The following ALPK2 variants were observed in gnomAD, a reference collection of about 807,000 sequenced individuals.
ALPK2 encodes alpha kinase 2, also known as alpha-protein kinase 2.
ALPK2 carries 127 observed loss-of-function variants against 163.1 expected under a neutral mutation model. The ratio of observed to expected loss-of-function variants is 0.78; its 90% CI spans 0.67 to 0.90. The LOEUF is 0.90. Ranked by LOEUF, ALPK2 falls within the 40% of genes least tolerant of loss-of-function variation. ALPK2 has a pLI of 0.00. For missense variants in ALPK2, 2,360 were observed against 2,589.6 expected (o/e 0.91, Z 1.92); for synonymous variants, 953 against 959.1 (o/e 0.99, Z 0.12).
chr18:58,549,466 GT>G (rs2051738198), intron 4 of ALPK2, among the ~76,000 whole-genome samples: 1 of 152,202 alleles, frequency 6.6e-6, no homozygotes, highest in South Asian at 2.1e-4. Flanking sequence ...GGAAGCTGAA[GT>G]TGGTAGGGAA....
chr18:58,556,810 G>T (rs1176806414), intron 4 of ALPK2, among the ~76,000 whole-genome samples: 2 of 152,204 alleles, frequency 1.3e-5, no homozygotes, highest in Non-Finnish European at 2.9e-5. Flanking sequence ...GTCCCTGAGG[G>T]CTGGGCTGTG....
intron 10 of ALPK2, among the ~76,000 whole-genome samples, chr18:58,505,505 C>T (rs1014493849): frequency 6.6e-6 from 1 of 152,092 alleles, no homozygotes; most frequent in Non-Finnish European, 1.5e-5. Context: ...CTACAGGTGC[C>T]CTGGTCCCCG....
intron 3 of ALPK2, among the ~76,000 whole-genome samples, chr18:58,585,229 T>C (rs1013767496): frequency 7.2e-5 from 11 of 152,240 alleles, no homozygotes; most frequent in Non-Finnish European, 1.5e-4. Context: ...AACTTTTGTT[T>C]ATATGGGTTA....
intron 12 of ALPK2, among the ~76,000 whole-genome samples, chr18:58,494,006 C>T (rs961096624): frequency 4.6e-5 from 7 of 152,226 alleles, no homozygotes; most frequent in East Asian, 3.9e-4. Context: ...GCAATCTCGT[C>T]GCCTCCCCGG....
chr18:58,579,363 G>A lies in ALPK2; in HGVS notation c.1413C>T (p.Asp471=). 1.2e-6 allele frequency: 2 copies of A among 1,614,136 alleles called. No individual in the cohort carries two copies. The highest frequency in any genetic ancestry group is 1.1e-5 in the South Asian group (1 of 91,076). The change falls in exon 4 of 13, where the codon GAC becomes GAT. Residue 471 remains aspartate (D), a synonymous_variant. Transcript: ENST00000361673. ...DYPGIQGETR[D]SHQAREEFAS... ...CAAATTCCTCTCTTGCTTGGTGGCT[G>A]TCTCTGGTTTCTCCTTGAATTCCTG...
intron 3 of ALPK2, among the ~76,000 whole-genome samples, chr18:58,598,178 C>T (rs190672940): frequency 1.3e-5 from 2 of 152,362 alleles, no homozygotes; most frequent in Admixed American, 1.3e-4. Flanking sequence ...CTCAGGTTCA[C>T]CTGAGGCCCA....
chr18:58,515,475 G>C (rs954399874), intron 9 of ALPK2, among the ~76,000 whole-genome samples: 46 of 152,344 alleles, frequency 3.0e-4, no homozygotes, highest in Non-Finnish European at 5.9e-4. Context: ...GGTGTAATTG[G>C]AGTAGTCAAT....
chr18:58,506,446 A>G (rs903708349), intron 10 of ALPK2, among the ~76,000 whole-genome samples: 2 of 151,994 alleles, frequency 1.3e-5, no homozygotes, highest in Admixed American at 1.3e-4. Flanking sequence ...CCATGGCAGA[A>G]ACTGAAGAGC....
At position 58,537,487 on chromosome 18, in the gene ALPK2, G is replaced by T. The variant is rs143895383; in HGVS notation, c.2700C>A (p.His900Gln). 6.2e-7 allele frequency: 1 copy of T among 1,611,920 alleles called. No individual in the cohort carries two copies. The highest frequency in any genetic ancestry group is 8.5e-7 in the Non-Finnish European group (1 of 1,178,564). Residue 900 changes from histidine to glutamine, a missense_variant, in exon 5 of 13, where the codon CAC (histidine) becomes CAA (glutamine). Physicochemically the swap from His to Gln is conservative, Grantham distance 24. Coordinates refer to ENST00000361673, the MANE Select transcript of ALPK2 (RefSeq NM_052947.4). ...CTCCTGTGGCACCTTCACTAGCTGT[G>T]TGTGAAATGTTCAAGGTGAAAGTAC... ...FTSTFTLNIS[H>Q]TASEGATGEN... is the part of the protein sequence containing the mutation.
In ALPK2 at chr18:58,537,571, T is replaced by C; in HGVS notation, c.2616A>G (p.Ser872=). ...CCTTGCTGCTTTTGCACGTAGACAC[T>C]GAAGTCTCAGACACTTGTGTCTGAA... ...VFFQTQVSET[S]VSTCKSSKDG... The change falls in exon 5 of 13, where the codon TCA becomes TCG. Residue 872 remains serine (S), a synonymous_variant. Transcript: ENST00000361673. The C allele has an allele frequency of 6.2e-7, 1 of 1,614,082 alleles. No homozygotes were observed. Among genetic ancestry groups the C allele is most frequent in the Non-Finnish European group, 8.5e-7 (1 of 1,179,926 alleles).
chr18:58,509,105 A>G (rs1259516720), intron 10 of ALPK2, among the ~76,000 whole-genome samples: 4 of 137,138 alleles, frequency 2.9e-5, no homozygotes, highest in South Asian at 2.3e-4. Flanking sequence ...TCATTGTTCA[A>G]TTCCCAACTA....
chr18:58,586,338 A>T (rs2051986654), intron 3 of ALPK2, among the ~76,000 whole-genome samples: 2 of 152,226 alleles, frequency 1.3e-5, no homozygotes, highest in East Asian at 3.8e-4. Flanking sequence ...AGGATCCCTG[A>T]AAATTCTCAC....
intron 4 of ALPK2, among the ~76,000 whole-genome samples, chr18:58,571,175 C>A (rs1249225834): frequency 6.6e-6 from 1 of 152,064 alleles, no homozygotes; most frequent in Non-Finnish European, 1.5e-5. Flanking sequence ...GCAAGCGCCA[C>A]CATGCCTGGC....
chr18:58,596,860 A>G (rs12964539), intron 3 of ALPK2, among the ~76,000 whole-genome samples: 130,357 of 152,172 alleles, frequency 0.86, 56,249 homozygotes, highest in East Asian at 1. Context: ...TCATTTTGTT[A>G]CCCAGACTGG....
intron 4 of ALPK2, among the ~76,000 whole-genome samples, chr18:58,569,549 G>A (rs1486554808): frequency 6.6e-6 from 1 of 152,192 alleles, no homozygotes; most frequent in Non-Finnish European, 1.5e-5. Flanking sequence ...CAGGGCTTCT[G>A]AGCCTGCATT....
chr18:58,541,407 A>G (rs1008796707), intron 4 of ALPK2, among the ~76,000 whole-genome samples: 5 of 152,244 alleles, frequency 3.3e-5, no homozygotes, highest in African/African-American at 1.2e-4. Flanking sequence ...GCATCATCCA[A>G]TCACCTCCCA....
Position 58,482,021 on chromosome 18 carries a change from G to C in ALPK2, c.6315C>G (p.Gly2105=), listed in dbSNP as rs777388356. The change falls in exon 13 of 13, where the codon GGC becomes GGG. Residue 2105 remains glycine, a synonymous_variant. Coordinates refer to ENST00000361673, the MANE Select transcript of ALPK2 (RefSeq NM_052947.4). ...GATCAATGAAGGTCATGGAACAGTT[G>C]CCTTTAAATCCCTTGTACCTGTGAG... The part of the protein sequence containing the change: ...TLAKGYKGFK[G]NCSMTFIDQF... The C allele has an allele frequency of 9.3e-6, 15 of 1,613,742 alleles. No homozygotes were observed. The highest frequency in any genetic ancestry group is 1.3e-5 in the African/African-American group (1 of 74,886).
At chr18:58,589,427 G>T (rs1602230988) in intron 3 of ALPK2, among the ~76,000 whole-genome samples, 1 of 152,152 alleles carries the variant, frequency 6.6e-6, no homozygotes, top group African/African-American at 2.4e-5. Flanking sequence ...GGGAACAAGG[G>T]TTAAAAATAT....
intron 3 of ALPK2, among the ~76,000 whole-genome samples, chr18:58,593,458 G>C (rs917302053): frequency 6.6e-6 from 1 of 151,350 alleles, no homozygotes; most frequent in African/African-American, 2.4e-5. Flanking sequence ...CAGCTACTTG[G>C]GTGGCTGAGG....
Sources: allele counts gnomAD v4.1 joint callset (sites outside exome capture counted in the v4.1 genomes callset), GRCh38; gene constraint gnomAD v4.1.1; transcripts MANE v1.5; gene names NCBI Gene and HGNC (gene_info 2026-07-23, HGNC 2026-07-21).